COL8A1: variants seen among roughly 807,000 people sequenced by gnomAD.
COL8A1 encodes collagen alpha-1(VIII) chain.
In COL8A1, 21 loss-of-function variants were observed where a neutral mutation model predicts 42.7. The ratio of observed to expected loss-of-function variants is 0.49; its 90% confidence interval spans 0.35 to 0.71. The LOEUF (loss-of-function observed/expected upper bound fraction) is 0.71, where lower values mean the gene tolerates loss of function less well. Ranked by LOEUF, COL8A1 falls within the 30% of genes least tolerant of loss-of-function variation. The probability of loss-of-function intolerance (pLI) is 0.01; values close to 1 mark genes in which losing one functional copy is unlikely to be tolerated. For missense variants in COL8A1, 788 were observed against 962.4 expected (o/e 0.82, Z 2.40); for synonymous variants, 367 against 369.1 (o/e 0.99, Z 0.06).
intron 1 of COL8A1, among the ~76,000 whole-genome samples, chr3:99,643,463 G>A (rs1360206861): frequency 1.3e-5 from 2 of 152,118 alleles, no homozygotes; most frequent in East Asian, 3.8e-4. Context: ...GGGGAAAAAA[G>A]CTAAGTATAA....
At position 99,795,280 on chromosome 3, in the gene COL8A1, CCAA is replaced by C; in HGVS notation, c.1380_1382del (p.Lys461del). 6.2e-7 allele frequency: 1 copy of C among 1,612,426 alleles called. No homozygotes were observed. The highest frequency in any genetic ancestry group is 2.2e-5 in the East Asian group (1 of 44,846). ...AGGGGTTTGCCAGGTCCCATAGGGC[CCAA>C]GGGGGAAGCTGGGCAAAAAGGTGTA... On this transcript the variant is annotated inframe_deletion, in exon 4 of 4. Coordinates refer to ENST00000652472, the MANE Select transcript of COL8A1 (RefSeq NM_020351.4).
intron 3 of COL8A1, among the ~76,000 whole-genome samples, chr3:99,792,787 A>G (rs1942025406): frequency 6.6e-6 from 1 of 152,246 alleles, no homozygotes; most frequent in African/African-American, 2.4e-5. Context: ...CCAGATTTGT[A>G]TATGAGAAAT....
intron 2 of COL8A1, among the ~76,000 whole-genome samples, chr3:99,769,569 G>A (rs1306472445): frequency 6.6e-6 from 1 of 152,226 alleles, no homozygotes; most frequent in African/African-American, 2.4e-5. Flanking sequence ...TGCTATAAAG[G>A]AGACAAAGTA....
At chr3:99,686,543 C>A (rs1435423203) in intron 1 of COL8A1, among the ~76,000 whole-genome samples, 1 of 152,140 alleles carries the variant, frequency 6.6e-6, no homozygotes, top group Non-Finnish European at 1.5e-5. Context: ...TCTCTCAAGG[C>A]CCAGAGGCAA....
chr3:99,677,400 T>C (rs1327620024), intron 1 of COL8A1, among the ~76,000 whole-genome samples: 1 of 152,112 alleles, frequency 6.6e-6, no homozygotes, highest in Non-Finnish European at 1.5e-5. Flanking sequence ...CACCAGTCAT[T>C]ACCTAACACC....
intron 1 of COL8A1, among the ~76,000 whole-genome samples, chr3:99,660,928 T>C (rs755209844): frequency 2.9e-4 from 44 of 152,288 alleles, no homozygotes; most frequent in Admixed American, 2.4e-3. Flanking sequence ...TCAATGTCTA[T>C]GTCAATTTTT....
chr3:99,708,164 GA>G (rs1247993934), intron 1 of COL8A1, among the ~76,000 whole-genome samples: 1 of 152,054 alleles, frequency 6.6e-6, no homozygotes, highest in Admixed American at 6.6e-5. Context: ...AAAATTAAGG[GA>G]AAATCACAGA....
chr3:99,770,248 T>C (rs1941552725), intron 2 of COL8A1, among the ~76,000 whole-genome samples: 1 of 152,144 alleles, frequency 6.6e-6, no homozygotes, highest in African/African-American at 2.4e-5. Context: ...GACAGGTAGG[T>C]CAGAGAATTC....
intron 2 of COL8A1, among the ~76,000 whole-genome samples, chr3:99,756,555 C>T (rs764807995): frequency 4.6e-5 from 7 of 152,132 alleles, no homozygotes; most frequent in Non-Finnish European, 5.9e-5. Context: ...ACAAGGAAAA[C>T]GTCCACAGTT....
At position 99,729,508 on chromosome 3, in the gene COL8A1, T is replaced by C. The variant is rs145899043; in HGVS notation, c.-128-15389T>C. Among the ~76,000 whole-genome samples, 540 of 152,120 alleles carry C rather than the reference T, an allele frequency of 3.5e-3. 5 individuals are homozygous for C. Among genetic ancestry groups the C allele is most frequent in the African/African-American group, 0.012 (509 of 41,536 alleles). ...AAAATTAAGGTCTCTCTAAACATAATGTACTCAAAAGAAAGCCAGTGATCT... is the reference window on the plus strand; with the variant it reads ...AAAATTAAGGTCTCTCTAAACATAACGTACTCAAAAGAAAGCCAGTGATCT... On this transcript the variant is annotated intron_variant, in intron 1 of 3. Transcript: ENST00000652472.
chr3:99,721,675 G>T (rs1317942158), intron 1 of COL8A1, among the ~76,000 whole-genome samples: 2 of 152,116 alleles, frequency 1.3e-5, no homozygotes, highest in African/African-American at 2.4e-5. Context: ...TTGATATCTG[G>T]AGTATAATTA....
chr3:99,721,119 C>T (rs375499510), intron 1 of COL8A1, among the ~76,000 whole-genome samples: 12 of 152,022 alleles, frequency 7.9e-5, no homozygotes, highest in Non-Finnish European at 1.5e-4. Flanking sequence ...CACAAAAGAG[C>T]AAACATGCCA....
At chr3:99,744,540 G>C (rs1940982050) in intron 1 of COL8A1, among the ~76,000 whole-genome samples, 1 of 152,124 alleles carries the variant, frequency 6.6e-6, no homozygotes, top group Non-Finnish European at 1.5e-5. Context: ...TGTTTAAAAA[G>C]TTGACCCTTC....
intron 2 of COL8A1, among the ~76,000 whole-genome samples, chr3:99,746,991 A>G (rs921552641): frequency 3.3e-5 from 5 of 152,192 alleles, no homozygotes; most frequent in Admixed American, 2.0e-4. Flanking sequence ...ATTAAGTTCT[A>G]TGAAGAAATG....
intron 1 of COL8A1, among the ~76,000 whole-genome samples, chr3:99,698,038 T>C (rs1270554075): frequency 2.0e-5 from 3 of 152,072 alleles, no homozygotes; most frequent in Non-Finnish European, 4.4e-5. Flanking sequence ...CATTGTTCAA[T>C]TCCCACCTAT....
At chr3:99,734,218 C>T (rs1303488347) in intron 1 of COL8A1, among the ~76,000 whole-genome samples, 1 of 142,010 alleles carries the variant, frequency 7.0e-6, no homozygotes, top group African/African-American at 2.8e-5. Flanking sequence ...ACATGAAGTC[C>T]TTGCCCATGC....
chr3:99,741,701 G>T (rs1378737437), intron 1 of COL8A1, among the ~76,000 whole-genome samples: 1 of 152,138 alleles, frequency 6.6e-6, no homozygotes, highest in African/African-American at 2.4e-5. Flanking sequence ...GTGGTCTCTA[G>T]GTAGCCAGAC....
At position 99,702,214 on chromosome 3, in the gene COL8A1, A is replaced by G. The variant is rs149731276; in HGVS notation, c.-128-42683A>G. Among the ~76,000 whole-genome samples, 5 of 152,348 alleles carry G rather than the reference A, an allele frequency of 3.3e-5. No homozygotes were observed. The East Asian group carries it at 9.6e-4, about 29-fold the overall frequency. On this transcript the variant is annotated intron_variant, in intron 1 of 3. Transcript: ENST00000652472. Reference sequence around the variant, plus strand: ...CTGAGAAATGATACTTAAAGTCATTAACAAACAACTCTGAGTTTGTCTATA... The same window carrying G: ...CTGAGAAATGATACTTAAAGTCATTGACAAACAACTCTGAGTTTGTCTATA...
intron 2 of COL8A1, among the ~76,000 whole-genome samples, chr3:99,749,822 A>C (rs12485299): frequency 0.13 from 20,331 of 151,990 alleles, 2,040 homozygotes; most frequent in African/African-American, 0.28. Context: ...GAACAAGGAG[A>C]GATGAAAGCA....
Sources: allele counts gnomAD v4.1 joint callset (sites outside exome capture counted in the v4.1 genomes callset), GRCh38; gene constraint gnomAD v4.1.1; transcripts MANE v1.5; gene names NCBI Gene and HGNC (gene_info 2026-07-23, HGNC 2026-07-21).